Variants in PARP14 observed in about 807,000 individuals in gnomAD.
PARP14 encodes poly(ADP-ribose) polymerase family member 14, also known as protein mono-ADP-ribosyltransferase PARP14.
PARP14 carries 59 observed loss-of-function variants against 154.2 expected under a neutral mutation model. The ratio of observed to expected loss-of-function variants is 0.38; its 90% CI spans 0.31 to 0.48. The LOEUF (loss-of-function observed/expected upper bound fraction) is 0.48, where lower values mean the gene tolerates loss of function less well. Among genes scored for constraint, PARP14 ranks in the 20% least tolerant of loss-of-function variants. The probability of loss-of-function intolerance (pLI) is 0.98; values close to 1 mark genes in which losing one functional copy is unlikely to be tolerated. For missense variants in PARP14, 1,734 were observed against 2,131.6 expected (o/e 0.81, Z 3.67); for synonymous variants, 720 against 780.5 (o/e 0.92, Z 1.29).
Position 122,727,808 on chromosome 3 carries a change from G to A in PARP14, c.4942-4G>A. On this transcript the variant is annotated splice_region_variant and splice_polypyrimidine_tract_variant and intron_variant, in intron 15 of 16. Transcript: ENST00000474629. ...GCAGAATATTATCCTTTATTAATTT[G>A]CAGATTGAGAGGATCCAGAATCCAG... The A allele has an allele frequency of 1.3e-6, 2 of 1,582,616 alleles. No homozygotes were observed. Among genetic ancestry groups the A allele is most frequent in the Non-Finnish European group, 1.7e-6 (2 of 1,161,446 alleles).
Position 122,699,788 on chromosome 3 carries a change from A to G in PARP14, c.1234A>G (p.Thr412Ala). The change falls in exon 6 of 17, where the codon ACC becomes GCC. Residue 412 changes from threonine (T) to alanine (A), a missense_variant. Coordinates refer to ENST00000474629, the MANE Select transcript of PARP14 (RefSeq NM_017554.3). ...PIKVDPTMWD[T>A]IKNDVKDDRI... ...TAAAGTGGATCCAACAATGTGGGACACCATAAAAAATGATGTGAAAGATGA... is the reference window on the plus strand; with the variant it reads ...TAAAGTGGATCCAACAATGTGGGACGCCATAAAAAATGATGTGAAAGATGA... 6.2e-7 allele frequency: 1 copy of G among 1,614,052 alleles called. No individual in the cohort carries two copies. Among genetic ancestry groups the G allele is most frequent in the Non-Finnish European group, 8.5e-7 (1 of 1,179,886 alleles).
chr3:122,718,570 G>A lies in PARP14; in HGVS notation c.4419G>A (p.Gln1473=), dbSNP rs1438616625. Residue 1473 remains glutamine (Q), a synonymous_variant, in exon 14 of 17, where the codon CAG becomes CAA. Coordinates refer to ENST00000474629, the MANE Select transcript of PARP14 (RefSeq NM_017554.3). Reference sequence around the variant, plus strand: ...AAGACTTTGATGAAAAGGAGTATCAGGAGTTGAATGAGCTGCAGAAGAAGT... The same window carrying A: ...AAGACTTTGATGAAAAGGAGTATCAAGAGTTGAATGAGCTGCAGAAGAAGT... The part of the protein sequence containing the change: ...CIKDFDEKEY[Q]ELNELQKKLN... The A allele has an allele frequency of 6.2e-7, 1 of 1,613,894 alleles. No individual in the cohort carries two copies. Among genetic ancestry groups the A allele is most frequent in the Admixed American group, 1.7e-5 (1 of 60,018 alleles).
chr3:122,716,632 T>A (rs757126044), intron 12 of PARP14, among the ~76,000 whole-genome samples: 1 of 152,156 alleles, frequency 6.6e-6, no homozygotes, highest in Non-Finnish European at 1.5e-5. Context: ...TGACTTTACT[T>A]CCAAAATAGC....
intron 3 of PARP14, among the ~76,000 whole-genome samples, chr3:122,687,446 C>T (rs1938407882): frequency 2.0e-5 from 3 of 152,216 alleles, no homozygotes; most frequent in South Asian, 4.1e-4. Flanking sequence ...AGCAAGGACA[C>T]GATATGTCCA....
intron 12 of PARP14, among the ~76,000 whole-genome samples, chr3:122,715,643 T>TATCTA (rs1932978650): frequency 6.7e-6 from 1 of 148,866 alleles, no homozygotes; most frequent in Admixed American, 6.7e-5. Flanking sequence ...TCTATCTATC[T>TATCTA]ATCTATCTAT....
chr3:122,681,156 AC>A lies in PARP14; in HGVS notation c.187+89del. The A allele has an allele frequency of 4.0e-6, 2 of 497,144 alleles. No individual in the cohort carries two copies. The highest frequency in any genetic ancestry group is 5.8e-6 in the Non-Finnish European group (2 of 346,894). 30.8% of individuals were successfully genotyped at this position (497,144 alleles called of 1,614,324 possible). ...GCGGCAGGGCACGCACGGGAGGGTGACCCGCCCGACTTCGGCGGCTGCTGTA... is the reference window on the plus strand; with the variant it reads ...GCGGCAGGGCACGCACGGGAGGGTGACCGCCCGACTTCGGCGGCTGCTGTA... On this transcript the variant is annotated intron_variant, in intron 1 of 16. Coordinates refer to ENST00000474629, the MANE Select transcript of PARP14 (RefSeq NM_017554.3). The surrounding 1 kb of genome is among the most constrained non-coding windows in gnomAD (Gnocchi z 5.5).
intron 1 of PARP14, among the ~76,000 whole-genome samples, chr3:122,684,663 ATGTGAGACC>A (rs1938314187): frequency 6.6e-6 from 1 of 151,616 alleles, no homozygotes; most frequent in Admixed American, 6.6e-5. Context: ...TTACTATCAG[ATGTGAGACC>A]TGTTTCTAAC....
chr3:122,704,501 A>G lies in PARP14; in HGVS notation c.3319-26A>G, dbSNP rs375851327. 63 of 1,412,184 alleles carry G rather than the reference A, an allele frequency of 4.5e-5. 1 individual carries two copies. The African/African-American group carries it at 6.9e-4, about 15-fold the overall frequency. 87.5% of individuals were successfully genotyped at this position (1,412,184 alleles called of 1,614,324 possible). Reference sequence around the variant, plus strand: ...TAACTCCCATTTCTAGACAAGATGTATAAGGATGTGCTTTGTGCGTTTCAG... The same window carrying G: ...TAACTCCCATTTCTAGACAAGATGTGTAAGGATGTGCTTTGTGCGTTTCAG... On this transcript the variant is annotated intron_variant, in intron 7 of 16. Transcript: ENST00000474629.
intron 3 of PARP14, among the ~76,000 whole-genome samples, chr3:122,688,215 C>A (rs977601198): frequency 2.6e-5 from 4 of 152,058 alleles, no homozygotes; most frequent in Admixed American, 1.3e-4. Flanking sequence ...GATGCCAAAG[C>A]GCTATACCGT....
At position 122,714,241 on chromosome 3, in the gene PARP14, CT is replaced by C; in HGVS notation, c.3833-16del. On this transcript the variant is annotated intron_variant, in intron 11 of 16. Coordinates refer to ENST00000474629, the MANE Select transcript of PARP14 (RefSeq NM_017554.3). Reference sequence around the variant, plus strand: ...GGTTCAACTTCTACTAATTTTGCATCTTTTTGTCTGTGTTTCCCAGCTCAGC... The same window carrying C: ...GGTTCAACTTCTACTAATTTTGCATCTTTTGTCTGTGTTTCCCAGCTCAGC... 6.4e-7 allele frequency: 1 copy of C among 1,572,828 alleles called. No homozygotes were observed. The highest frequency in any genetic ancestry group is 1.4e-5 in the African/African-American group (1 of 72,426).
chr3:122,727,641 T>C, intron 15 of PARP14, among the ~76,000 whole-genome samples, 171 bp from the exon 16 acceptor site: 1 of 152,262 alleles, frequency 6.6e-6, no homozygotes, highest in East Asian at 1.9e-4. Context: ...TTGCCTGTTT[T>C]TATGAAACAC....
At position 122,704,027 on chromosome 3, in the gene PARP14, T is replaced by A. The variant is rs746016335; in HGVS notation, c.3318+49T>A. On this transcript the variant is annotated intron_variant, in intron 7 of 16. Coordinates refer to ENST00000474629, the MANE Select transcript of PARP14 (RefSeq NM_017554.3). ...CATGAAGTTGGGTAGCCCTTTGGGT[T>A]CTCCTTTTAGTAGCATATTAATTGG... The A allele has an allele frequency of 3.9e-6, 5 of 1,297,300 alleles. No homozygotes were observed. The South Asian group carries it at 6.0e-5, about 16-fold the overall frequency. The allele number at this position is 1,297,300 out of a possible 1,614,324, so 80.4% of individuals were successfully genotyped here. A position where few individuals can be genotyped will look rare whatever the true frequency, so the allele number is the denominator to read the frequency against.
At chr3:122,713,741 T>A in intron 10 of PARP14, 131 bp from the exon 11 acceptor site, 1 of 875,236 alleles carries the variant, frequency 1.1e-6, no homozygotes, top group South Asian at 1.6e-5. Context: ...AGTTTTCTTC[T>A]TTGTCATCAG....
At chr3:122,706,876 C>T (rs968923785) in intron 8 of PARP14, among the ~76,000 whole-genome samples, 2 of 151,738 alleles carry the variant, frequency 1.3e-5, no homozygotes, top group African/African-American at 4.8e-5. Flanking sequence ...ACACCAGCTA[C>T]TTGCTCCAAA....
intron 4 of PARP14, among the ~76,000 whole-genome samples, chr3:122,693,937 A>T (rs181249273): frequency 6.9e-4 from 105 of 152,302 alleles, no homozygotes; most frequent in Middle Eastern, 6.8e-3. Flanking sequence ...AGCTATTCTT[A>T]TTTCAAATTT....
chr3:122,692,577 C>A, intron 4 of PARP14, 34 bp downstream of exon 4: 2 of 1,574,448 alleles, frequency 1.3e-6, no homozygotes, highest in Non-Finnish European at 1.7e-6. Flanking sequence ...TGCCTGTCTT[C>A]TTTGTACCAC....
chr3:122,696,406 A>G (rs1454973435), intron 5 of PARP14, among the ~76,000 whole-genome samples: 2 of 152,212 alleles, frequency 1.3e-5, no homozygotes, highest in Admixed American at 6.5e-5. Context: ...AGTTGTTTCA[A>G]CAAGGTACTT....
In PARP14 at chr3:122,718,605, A is replaced by G. The variant is rs1441421404; in HGVS notation, c.4454A>G (p.Asn1485Ser). ...LNELQKKLNINISLDHKRPLI... is the reference protein window; with the variant it reads ...LNELQKKLNISISLDHKRPLI... ...GAGCTGCAGAAGAAGTTAAATATTA[A>G]CATTTCCCTGGACCATAAGAGACCT... The change falls in exon 14 of 17, where the codon AAC becomes AGC. Residue 1485 changes from asparagine to serine, a missense_variant. Coordinates refer to ENST00000474629, the MANE Select transcript of PARP14 (RefSeq NM_017554.3). 3.3e-5 allele frequency: 53 copies of G among 1,613,844 alleles called. No individual in the cohort carries two copies. The highest frequency in any genetic ancestry group is 4.4e-5 in the Non-Finnish European group (52 of 1,179,884).
chr3:122,698,532 G>A (rs1392926425), intron 5 of PARP14, among the ~76,000 whole-genome samples: 1 of 152,118 alleles, frequency 6.6e-6, no homozygotes, highest in Non-Finnish European at 1.5e-5. Context: ...ACTTGGATTT[G>A]GTAGAGGGGC....
Sources: allele counts gnomAD v4.1 joint callset (sites outside exome capture counted in the v4.1 genomes callset), GRCh38; gene constraint gnomAD v4.1.1; non-coding constraint Gnocchi (gnomAD v3.1); transcripts MANE v1.5; gene names NCBI Gene and HGNC (gene_info 2026-07-23, HGNC 2026-07-21).